Variants in AUTS2 observed in about 807,000 individuals in gnomAD.
The protein encoded by AUTS2 is activator of transcription and developmental regulator AUTS2, also known as autism susceptibility gene 2 protein.
Under a neutral mutation model 112.4 loss-of-function variants are expected in AUTS2, and 17 were observed. That is an observed-to-expected ratio of 0.15 (90% CI 0.10 to 0.23). The LOEUF (loss-of-function observed/expected upper bound fraction) is 0.23, where lower values mean the gene tolerates loss of function less well. Among genes scored for constraint, AUTS2 ranks in the 10% least tolerant of loss-of-function variants. AUTS2 has a pLI of 1.00. For synonymous variants in AUTS2, 751 were observed against 702.7 expected (o/e 1.07, Z -1.09); for missense variants, 1,510 against 1,701.6 (o/e 0.89, Z 1.98).
intron 1 of AUTS2, among the ~76,000 whole-genome samples, chr7:69,798,729 T>A (rs1315124677): frequency 6.6e-6 from 1 of 152,136 alleles, no homozygotes; most frequent in Non-Finnish European, 1.5e-5. Flanking sequence ...GGTGACTCAC[T>A]CCTGTAATCC....
intron 2 of AUTS2, among the ~76,000 whole-genome samples, chr7:70,049,736 G>T (rs905480506): frequency 1.4e-4 from 21 of 152,034 alleles, no homozygotes; most frequent in Admixed American, 6.6e-4. Flanking sequence ...AGCCACAGTG[G>T]TTCATATCTG....
chr7:69,617,620 C>T (rs908012737), intron 1 of AUTS2, among the ~76,000 whole-genome samples: 8 of 152,166 alleles, frequency 5.3e-5, no homozygotes, highest in African/African-American at 1.7e-4. Context: ...TGTCCAAAGC[C>T]CTCATTTCCC....
At chr7:70,397,067 A>T (rs1035953132) in intron 4 of AUTS2, among the ~76,000 whole-genome samples, 4 of 143,564 alleles carry the variant, frequency 2.8e-5, no homozygotes, top group Admixed American at 1.4e-4. Flanking sequence ...TTCTTTTATT[A>T]TTTTTTTTTT....
intron 5 of AUTS2, among the ~76,000 whole-genome samples, chr7:70,521,646 C>G (rs1799652226): frequency 6.6e-6 from 1 of 152,220 alleles, no homozygotes; most frequent in African/African-American, 2.4e-5. Flanking sequence ...TACTAGTTCA[C>G]TTTTCCAGTG....
chr7:70,156,550 C>T (rs1246623726), intron 4 of AUTS2, among the ~76,000 whole-genome samples: 1 of 152,080 alleles, frequency 6.6e-6, no homozygotes, highest in Non-Finnish European at 1.5e-5. Context: ...CCATCGTTTG[C>T]AAGCAGATCT....
chr7:70,118,871 AT>A (rs1805529941), intron 3 of AUTS2: 1 of 151,524 alleles, frequency 6.6e-6, no homozygotes, highest in African/African-American at 2.4e-5. Context: ...TCTAGATGTG[AT>A]TTTCATTGTT....
intron 2 of AUTS2, among the ~76,000 whole-genome samples, chr7:69,978,230 A>G (rs1310302582): frequency 6.6e-6 from 1 of 152,226 alleles, no homozygotes; most frequent in Admixed American, 6.5e-5. Context: ...ATTATCACTA[A>G]CACATACATT....
At chr7:70,286,898 G>T (rs1417594662) in intron 4 of AUTS2, among the ~76,000 whole-genome samples, 5 of 152,110 alleles carry the variant, frequency 3.3e-5, no homozygotes, top group Non-Finnish European at 7.4e-5. Flanking sequence ...CATTTTCTAA[G>T]ATTTTGCTGA....
intron 1 of AUTS2, among the ~76,000 whole-genome samples, chr7:69,600,538 CTTTTTTT>C (rs370612172): frequency 1.2e-5 from 1 of 85,554 alleles, no homozygotes; most frequent in Non-Finnish European, 2.1e-5. Context: ...CCCCCATATT[CTTTTTTT>C]TTTTTTTTTT....
intron 5 of AUTS2, chr7:70,596,725 G>C (rs1445504106): frequency 6.6e-6 from 1 of 152,292 alleles, no homozygotes; most frequent in Non-Finnish European, 1.5e-5. Context: ...AGCCAACCCT[G>C]GGGCACACCA....
At chr7:70,005,617 GT>G (rs1466623486) in intron 2 of AUTS2, among the ~76,000 whole-genome samples, 1 of 152,084 alleles carries the variant, frequency 6.6e-6, no homozygotes, top group Non-Finnish European at 1.5e-5. Context: ...AAAGAGGGAA[GT>G]TTGGGAGGTG....
At position 69,970,840 on chromosome 7, in the gene AUTS2, G is replaced by T. The variant is rs563484644; in HGVS notation, c.522+71342G>T. 3.3e-5 allele frequency among the ~76,000 whole-genome samples: 5 copies of T among 152,192 alleles called. No homozygotes were observed. The South Asian group carries it at 1.0e-3, about 32-fold the overall frequency. ...AGATACAGAATTACATTGTGTTTTT[G>T]ATTTTGATTTTTCTATCCAGAATCC... On this transcript the variant is annotated intron_variant, in intron 2 of 18. Transcript: ENST00000342771.
intron 1 of AUTS2, among the ~76,000 whole-genome samples, chr7:69,709,882 G>A (rs1049421005): frequency 2.0e-5 from 3 of 147,712 alleles, no homozygotes; most frequent in East Asian, 4.0e-4. Flanking sequence ...TGCCTCAATA[G>A]CATCACACGA....
chr7:70,211,601 A>C (rs950235562), intron 4 of AUTS2, among the ~76,000 whole-genome samples: 1 of 150,880 alleles, frequency 6.6e-6, no homozygotes. Context: ...GTGAGCCGAG[A>C]TCGCGCCACT....
chr7:70,454,212 G>A (rs1450632623), intron 5 of AUTS2, among the ~76,000 whole-genome samples: 3 of 152,134 alleles, frequency 2.0e-5, no homozygotes, highest in Non-Finnish European at 4.4e-5. Flanking sequence ...TTTGGGGAAG[G>A]TAACGCTGTT....
At chr7:69,999,867 A>G (rs1799108078) in intron 2 of AUTS2, among the ~76,000 whole-genome samples, 1 of 152,086 alleles carries the variant, frequency 6.6e-6, no homozygotes, top group South Asian at 2.1e-4. Flanking sequence ...GCAGCTTTTG[A>G]GTTATGGAGA....
chr7:70,540,275 G>C (rs1416542711), intron 5 of AUTS2, among the ~76,000 whole-genome samples: 3 of 152,124 alleles, frequency 2.0e-5, no homozygotes, highest in Non-Finnish European at 4.4e-5. Context: ...AGAAGAAAAG[G>C]CTTCTTGCTA....
chr7:69,605,947 A>G (rs1317792268), intron 1 of AUTS2, among the ~76,000 whole-genome samples: 3 of 152,214 alleles, frequency 2.0e-5, no homozygotes, highest in Admixed American at 1.3e-4. Flanking sequence ...TATAAGGCAG[A>G]GCATCACTTG....
rs376839615 is a variant in AUTS2, at chr7:70,351,208, G to A, written c.661-84544G>A. 2.1e-4 allele frequency among the ~76,000 whole-genome samples: 32 copies of A among 151,956 alleles called. No individual in the cohort carries two copies. The East Asian group carries it at 3.9e-3, about 18-fold the overall frequency. ...TGGGATTACAGGCGTGCGCCAATAC[G>A]CCTGGCTAATTTTTGTATTTTTTTT... On this transcript the variant is annotated intron_variant, in intron 4 of 18. Coordinates refer to ENST00000342771, the MANE Select transcript of AUTS2 (RefSeq NM_015570.4).
Sources: allele counts gnomAD v4.1 joint callset (sites outside exome capture counted in the v4.1 genomes callset), GRCh38; gene constraint gnomAD v4.1.1; transcripts MANE v1.5; gene names NCBI Gene and HGNC (gene_info 2026-07-23, HGNC 2026-07-21).